SMYD3: variants seen among roughly 807,000 people sequenced by gnomAD.
SMYD3 encodes histone-lysine N-methyltransferase SMYD3.
Under a neutral mutation model 57.7 loss-of-function variants are expected in SMYD3, and 36 were observed. That is an observed-to-expected ratio of 0.62 (90% CI 0.48 to 0.82). The LOEUF is 0.82. SMYD3 is among the 40% of genes least tolerant of loss of function. SMYD3 has a pLI of 0.00. For missense variants in SMYD3, 515 were observed against 538.8 expected (o/e 0.96, Z 0.44); for synonymous variants, 211 against 195.0 (o/e 1.08, Z -0.68).
intron 5 of SMYD3, among the ~76,000 whole-genome samples, chr1:246,160,961 T>C (rs903233092): frequency 6.6e-6 from 1 of 152,180 alleles, no homozygotes; most frequent in Admixed American, 6.5e-5. Flanking sequence ...CTGGGGCTGT[T>C]TGCTTACTCC....
intron 1 of SMYD3, among the ~76,000 whole-genome samples, chr1:246,505,921 A>T (rs955149925): frequency 6.6e-6 from 1 of 152,228 alleles, no homozygotes; most frequent in African/African-American, 2.4e-5. Flanking sequence ...AAACTTCAAG[A>T]TGCTGCTCTC....
intron 5 of SMYD3, among the ~76,000 whole-genome samples, chr1:246,147,056 C>G (rs903703256): frequency 2.0e-5 from 3 of 152,120 alleles, no homozygotes; most frequent in Non-Finnish European, 4.4e-5. Context: ...TCGCTTCTTG[C>G]GTTGGTGGCG....
At chr1:246,441,249 T>G (rs2067458661) in intron 1 of SMYD3, among the ~76,000 whole-genome samples, 1 of 152,212 alleles carries the variant, frequency 6.6e-6, no homozygotes, top group African/African-American at 2.4e-5. Flanking sequence ...GTCATTTGTG[T>G]ACGTTTCCTT....
intron 5 of SMYD3, among the ~76,000 whole-genome samples, chr1:246,252,452 G>A (rs1400579383): frequency 2.0e-5 from 3 of 152,146 alleles, no homozygotes; most frequent in Admixed American, 2.0e-4. Context: ...GAGTGAATTT[G>A]CCCAAGGTCA....
chr1:246,251,859 T>C (rs188259030), intron 5 of SMYD3, among the ~76,000 whole-genome samples: 1 of 9,362 alleles, frequency 1.1e-4, no homozygotes, highest in African/African-American at 4.5e-4. Flanking sequence ...TCGGACACTG[T>C]GCCCGGCTTT....
At chr1:246,081,439 C>A (rs1002574730) in intron 5 of SMYD3, among the ~76,000 whole-genome samples, 1 of 152,166 alleles carries the variant, frequency 6.6e-6, no homozygotes, top group African/African-American at 2.4e-5. Flanking sequence ...GTCACCCATA[C>A]TGGAGTGCAG....
chr1:246,393,233 G>C (rs2066601641), intron 1 of SMYD3, among the ~76,000 whole-genome samples: 1 of 152,130 alleles, frequency 6.6e-6, no homozygotes, highest in African/African-American at 2.4e-5. Context: ...AATGAGTGAA[G>C]TATATGAGAT....
At chr1:245,826,034 TAA>T (rs2049471323) in intron 10 of SMYD3, among the ~76,000 whole-genome samples, 5 of 139,702 alleles carry the variant, frequency 3.6e-5, no homozygotes, top group African/African-American at 7.8e-5. Context: ...TGTATTTAAT[TAA>T]ATATTTGTTA....
intron 1 of SMYD3, among the ~76,000 whole-genome samples, chr1:246,442,487 G>A (rs930878042): frequency 7.2e-5 from 11 of 151,918 alleles, no homozygotes; most frequent in African/African-American, 2.2e-4. Context: ...GGCAGAGGTC[G>A]CAATGAGCCA....
In SMYD3 at chr1:245,855,404, T is replaced by C. The variant is rs1572519992; in HGVS notation, c.1076+3092A>G. Among the ~76,000 whole-genome samples, 2 of 152,308 alleles carry C rather than the reference T, an allele frequency of 1.3e-5. 1 individual carries two copies. Among genetic ancestry groups the C allele is most frequent in the South Asian group, 4.1e-4 (2 of 4,830 alleles). On this transcript the variant is annotated intron_variant, in intron 10 of 11. Coordinates refer to ENST00000490107, the MANE Select transcript of SMYD3 (RefSeq NM_001167740.2). ...ATGGGTTAGTCTGGAGACATCACCA[T>C]AATCTGTAACCATCTTTAATAGGAA...
At position 246,239,633 on chromosome 1, in the gene SMYD3, AT is replaced by A. The variant is rs541884954; in HGVS notation, c.531+87567del. Among the ~76,000 whole-genome samples, 42 of 152,294 alleles carry A rather than the reference AT, an allele frequency of 2.8e-4. 1 individual carries two copies. The South Asian group carries it at 8.1e-3, about 29-fold the overall frequency. On this transcript the variant is annotated intron_variant, in intron 5 of 11. Coordinates refer to ENST00000490107, the MANE Select transcript of SMYD3 (RefSeq NM_001167740.2). The stretch of plus-strand genomic sequence containing the variant: ...TAATGGGATGGCTGGGTCAAATAGT[AT>A]TTCTAGTTCTAGATCCTTGAGGAAT...
intron 2 of SMYD3, among the ~76,000 whole-genome samples, chr1:246,354,442 G>A (rs923093263): frequency 6.6e-6 from 1 of 152,050 alleles, no homozygotes; most frequent in African/African-American, 2.4e-5. Context: ...AATAATTTGG[G>A]GAAGTGTGCA....
intron 10 of SMYD3, among the ~76,000 whole-genome samples, chr1:245,820,940 G>T (rs1445212613): frequency 6.6e-6 from 1 of 151,104 alleles, no homozygotes; most frequent in African/African-American, 2.4e-5. Flanking sequence ...TGGGTAGGAA[G>T]AATCAATATC....
At chr1:246,384,648 C>T (rs1050848799) in intron 1 of SMYD3, among the ~76,000 whole-genome samples, 1 of 152,132 alleles carries the variant, frequency 6.6e-6, no homozygotes, top group Non-Finnish European at 1.5e-5. Flanking sequence ...CTGCCCGCCT[C>T]GGCCTCCCAA....
At position 246,082,515 on chromosome 1, in the gene SMYD3, A is replaced by T. The variant is rs572508644; in HGVS notation, c.532-152578T>A. Among the ~76,000 whole-genome samples the T allele has an allele frequency of 8.8e-4, 134 of 152,222 alleles. 3 individuals carry two copies. In the South Asian group the frequency reaches 0.011, roughly 13 times the overall value. On this transcript the variant is annotated intron_variant, in intron 5 of 11. Transcript: ENST00000490107. Reference sequence around the variant, plus strand: ...ATGATTTTATCCACAACCAATCAGCAGCACACATTCCCTAGCCCCTTGCCC... The same window carrying T: ...ATGATTTTATCCACAACCAATCAGCTGCACACATTCCCTAGCCCCTTGCCC...
chr1:246,495,623 A>T (rs1447123014), intron 1 of SMYD3, among the ~76,000 whole-genome samples: 1 of 152,150 alleles, frequency 6.6e-6, no homozygotes, highest in Non-Finnish European at 1.5e-5. Context: ...TTATCAGTTT[A>T]TGAACAATTT....
intron 5 of SMYD3, among the ~76,000 whole-genome samples, chr1:246,071,597 T>C (rs1183483629): frequency 6.6e-6 from 1 of 152,130 alleles, no homozygotes; most frequent in Non-Finnish European, 1.5e-5. Context: ...AAAATATTGG[T>C]ATACAGGCCT....
chr1:245,979,674 G>GA (rs1461244292), intron 5 of SMYD3, among the ~76,000 whole-genome samples: 11 of 152,012 alleles, frequency 7.2e-5, no homozygotes, highest in Non-Finnish European at 1.5e-4. Flanking sequence ...TCAGAATTGT[G>GA]AAAAAAATTT....
intron 5 of SMYD3, among the ~76,000 whole-genome samples, chr1:246,237,110 TG>T (rs1384566321): frequency 6.6e-6 from 1 of 152,164 alleles, no homozygotes; most frequent in Non-Finnish European, 1.5e-5. Flanking sequence ...CAATTCTATG[TG>T]AATTAATTCT....
Sources: gnomAD v4.1 joint callset for allele counts (sites outside exome capture counted in the v4.1 genomes callset) on GRCh38, gnomAD v4.1.1 for gene constraint, MANE v1.5 for transcripts, NCBI Gene and HGNC (gene_info 2026-07-23, HGNC 2026-07-21) for gene names.